NTM: variants seen among roughly 807,000 people sequenced by gnomAD.
NTM encodes neurotrimin, also known as IgLON family member 2.
A neutral mutation model predicts 42.1 loss-of-function variants in NTM; 13 were observed. That is an observed-to-expected ratio of 0.31 (90% CI 0.20 to 0.49). The LOEUF is 0.49. Ranked by LOEUF, NTM falls within the 20% of genes least tolerant of loss-of-function variation. The pLI, the probability that NTM is intolerant of heterozygous loss-of-function variation, is 0.99. For synonymous variants in NTM, 187 were observed against 179.2 expected (o/e 1.04, Z -0.35); for missense variants, 373 against 452.8 (o/e 0.82, Z 1.60).
At chr11:131,727,631 C>T (rs1049472845) in intron 1 of NTM, among the ~76,000 whole-genome samples, 3 of 152,170 alleles carry the variant, frequency 2.0e-5, no homozygotes, top group African/African-American at 7.2e-5. Flanking sequence ...AGGACAATCA[C>T]TCTGGCAACA....
intron 4 of NTM, among the ~76,000 whole-genome samples, chr11:132,290,829 T>C (rs747450370): frequency 2.0e-5 from 3 of 152,148 alleles, no homozygotes; most frequent in Non-Finnish European, 4.4e-5. Context: ...ACAGAAGGAT[T>C]CTTATACGAG....
At chr11:131,855,198 C>G (rs183921697) in intron 1 of NTM, among the ~76,000 whole-genome samples, 2 of 152,276 alleles carry the variant, frequency 1.3e-5, no homozygotes, top group African/African-American at 4.8e-5. Context: ...TTTTACCCAG[C>G]AGGTAGTACG....
At chr11:131,705,665 A>G (rs1000539315) in intron 1 of NTM, among the ~76,000 whole-genome samples, 6 of 152,172 alleles carry the variant, frequency 3.9e-5, no homozygotes, top group Admixed American at 3.3e-4. Flanking sequence ...ATAAATACAC[A>G]ATATAAAAAA....
intron 1 of NTM, among the ~76,000 whole-genome samples, chr11:131,447,552 G>A (rs1950155646): frequency 6.6e-6 from 1 of 152,186 alleles, no homozygotes; most frequent in Admixed American, 6.5e-5. Context: ...CAGCTCTCGG[G>A]AGAGGGAGGG....
intron 1 of NTM, among the ~76,000 whole-genome samples, chr11:131,547,332 G>A (rs980307608): frequency 6.6e-6 from 1 of 152,136 alleles, no homozygotes; most frequent in East Asian, 1.9e-4. Flanking sequence ...AAAGAGAAAA[G>A]GGGGTAGGAA....
At chr11:132,198,129 T>C (rs537019920) in intron 3 of NTM, among the ~76,000 whole-genome samples, 1 of 152,218 alleles carries the variant, frequency 6.6e-6, no homozygotes, top group Non-Finnish European at 1.5e-5. Flanking sequence ...TGTAAAAGTA[T>C]TGTTATTATT....
rs199696313 is a variant in NTM, at chr11:131,408,532, C to G, written c.82+37644C>G. Among the ~76,000 whole-genome samples the G allele has an allele frequency of 5.9e-5, 9 of 152,242 alleles. No homozygotes were observed. In the East Asian group the frequency reaches 1.5e-3, roughly 26 times the overall value. Reference sequence around the variant, plus strand: ...TGCCTCTCTACCAGATAATGATCAGCCTTTGGGCAAAAAGAATTGCCACTT... The same window carrying G: ...TGCCTCTCTACCAGATAATGATCAGGCTTTGGGCAAAAAGAATTGCCACTT... On this transcript the variant is annotated intron_variant, in intron 1 of 8. Transcript: ENST00000683400.
At chr11:132,147,305 A>T (rs1332446132) in intron 3 of NTM, among the ~76,000 whole-genome samples, 1 of 151,992 alleles carries the variant, frequency 6.6e-6, no homozygotes, top group African/African-American at 2.4e-5. Context: ...CACAAGGCAG[A>T]ACCAGTCCTG....
chr11:131,484,440 G>A (rs959390630), intron 1 of NTM, among the ~76,000 whole-genome samples: 6 of 152,170 alleles, frequency 3.9e-5, no homozygotes, highest in African/African-American at 1.4e-4. Context: ...GCCAGTTAAA[G>A]GGTGGAGGCT....
intron 1 of NTM, among the ~76,000 whole-genome samples, chr11:131,659,293 G>A (rs570117210): frequency 2.0e-4 from 31 of 152,354 alleles, no homozygotes; most frequent in African/African-American, 7.0e-4. Flanking sequence ...AGTTTGCAAA[G>A]CACATTTAAA....
chr11:132,083,584 C>T (rs570690472), intron 2 of NTM, among the ~76,000 whole-genome samples: 1 of 152,290 alleles, frequency 6.6e-6, no homozygotes, highest in African/African-American at 2.4e-5. Flanking sequence ...AAGTGACATT[C>T]TTTACTCACC....
intron 2 of NTM, among the ~76,000 whole-genome samples, chr11:132,081,354 G>T (rs550402732): frequency 1.3e-5 from 2 of 152,284 alleles, no homozygotes; most frequent in Admixed American, 6.5e-5. Flanking sequence ...GTACCTGATT[G>T]TGGGTTCCAG....
chr11:132,251,328 C>T (rs533742431), intron 4 of NTM, among the ~76,000 whole-genome samples: 40 of 152,306 alleles, frequency 2.6e-4, no homozygotes, highest in African/African-American at 9.4e-4. Flanking sequence ...CCAGCTGTCT[C>T]TTGGTTCATG....
chr11:131,853,396 C>T (rs1197583953), intron 1 of NTM, among the ~76,000 whole-genome samples: 2 of 152,094 alleles, frequency 1.3e-5, no homozygotes, highest in Non-Finnish European at 2.9e-5. Flanking sequence ...CCTTCTTCCT[C>T]CACCCCAGGC....
intron 1 of NTM, among the ~76,000 whole-genome samples, chr11:131,694,645 C>T (rs920227614): frequency 1.2e-4 from 19 of 152,160 alleles, no homozygotes; most frequent in Non-Finnish European, 1.2e-4. Context: ...GGGAGCTGGG[C>T]CTGGGAACCA....
intron 1 of NTM, among the ~76,000 whole-genome samples, chr11:131,763,682 T>C (rs994739699): frequency 6.9e-6 from 1 of 143,966 alleles, no homozygotes; most frequent in Admixed American, 7.5e-5. Context: ...GCTGCTCTGC[T>C]TCTTATCCAC....
intron 1 of NTM, among the ~76,000 whole-genome samples, chr11:131,723,400 T>C (rs1249582181): frequency 6.6e-6 from 1 of 152,222 alleles, no homozygotes; most frequent in Non-Finnish European, 1.5e-5. Context: ...CAGAATTCAG[T>C]CTTCTCCATG....
At chr11:132,207,069 A>C (rs1249339702) in intron 3 of NTM, among the ~76,000 whole-genome samples, 2 of 152,160 alleles carry the variant, frequency 1.3e-5, no homozygotes, top group Non-Finnish European at 2.9e-5. Context: ...TGTTCACAAA[A>C]TGTTCATTGG....
At chr11:132,257,010 G>A (rs1422738586) in intron 4 of NTM, among the ~76,000 whole-genome samples, 1 of 152,132 alleles carries the variant, frequency 6.6e-6, no homozygotes, top group Non-Finnish European at 1.5e-5. Flanking sequence ...TCACTGTCAG[G>A]GCCCTGCCTC....
Sources: gnomAD v4.1 joint callset for allele counts (sites outside exome capture counted in the v4.1 genomes callset) on GRCh38, gnomAD v4.1.1 for gene constraint, MANE v1.5 for transcripts, NCBI Gene and HGNC (gene_info 2026-07-23, HGNC 2026-07-21) for gene names.